INSL6: variants seen among roughly 807,000 people sequenced by gnomAD.
INSL6 encodes insulin-like peptide INSL6.
INSL6 carries 16 observed loss-of-function variants against 9.4 expected under a neutral mutation model. That is an observed-to-expected ratio of 1.70 (90% confidence interval 1.15 to 2.59). The LOEUF (loss-of-function observed/expected upper bound fraction) is 2.59, where lower values mean the gene tolerates loss of function less well. Ranked by LOEUF, INSL6 falls within the 30% of genes most tolerant of loss-of-function variation. The pLI, the probability that INSL6 is intolerant of heterozygous loss-of-function variation, is 0.00. For missense variants in INSL6, 391 were observed against 257.3 expected (o/e 1.52, Z -3.56); for synonymous variants, 154 against 96.9 (o/e 1.59, Z -3.46).
the INSL6 span, chr9:5,110,994 G>T: frequency 3.0e-6 from 2 of 670,472 alleles, no homozygotes; most frequent in Non-Finnish European, 5.3e-6. Flanking sequence ...TGTTCCCGCT[G>T]CCCGTTGCCA....
intron 1 of INSL6, among the ~76,000 whole-genome samples, chr9:5,167,640 G>C (rs1825085078): frequency 6.6e-6 from 1 of 152,210 alleles, no homozygotes; most frequent in African/African-American, 2.4e-5. Flanking sequence ...TCTAGGAGGA[G>C]GGTTGGCCAC....
At chr9:5,183,363 G>A (rs982508683) in intron 1 of INSL6, among the ~76,000 whole-genome samples, 20 of 152,078 alleles carry the variant, frequency 1.3e-4, no homozygotes, top group Non-Finnish European at 2.1e-4. Flanking sequence ...TTCCATAGTA[G>A]CAGGTTTTGT....
At chr9:5,005,610 C>T in the INSL6 span, among the ~76,000 whole-genome samples, 13 of 152,000 alleles carry the variant, frequency 8.6e-5, no homozygotes, top group Non-Finnish European at 1.5e-4. Flanking sequence ...GAGAGAGATT[C>T]CAGTGTAATT....
chr9:5,101,570 G>C, the INSL6 span, among the ~76,000 whole-genome samples: 1 of 152,262 alleles, frequency 6.6e-6, no homozygotes, highest in East Asian at 1.9e-4. Flanking sequence ...TGGACAGACT[G>C]CCTCAGGTGG....
chr9:5,103,132 G>A, the INSL6 span, among the ~76,000 whole-genome samples: 160 of 144,996 alleles, frequency 1.1e-3, no homozygotes, highest in African/African-American at 3.8e-3. Context: ...CCATCACTGT[G>A]CTGTATTCAG....
the INSL6 span, among the ~76,000 whole-genome samples, chr9:5,000,101 T>C: frequency 4.6e-5 from 7 of 152,204 alleles, no homozygotes; most frequent in African/African-American, 1.7e-4. Context: ...CATATTAAAT[T>C]GTAAGAGTTA....
downstream of INSL6, among the ~76,000 whole-genome samples, chr9:5,161,836 T>A (rs12352022): frequency 6.6e-6 from 1 of 151,806 alleles, no homozygotes; most frequent in Non-Finnish European, 1.5e-5. Flanking sequence ...ACCCAGCACT[T>A]TGGGAGGCCA....
chr9:5,132,806 T>C (rs1345451312), intron 3 of INSL6: 2 of 152,216 alleles, frequency 1.3e-5, no homozygotes, highest in African/African-American at 4.8e-5. Flanking sequence ...ATAATCTTAC[T>C]TGAGGGTGAA....
chr9:5,035,857 C>A, the INSL6 span, among the ~76,000 whole-genome samples: 1 of 152,180 alleles, frequency 6.6e-6, no homozygotes, highest in Non-Finnish European at 1.5e-5. Context: ...TCCTATTCAA[C>A]ATAGTGTTGG....
the INSL6 span, among the ~76,000 whole-genome samples, chr9:5,008,804 T>C: frequency 6.6e-6 from 1 of 152,228 alleles, no homozygotes; most frequent in Admixed American, 6.5e-5. Flanking sequence ...CTATTATTTT[T>C]CTTCCCTGTG....
intron 1 of INSL6, among the ~76,000 whole-genome samples, chr9:5,165,025 T>C (rs1210076341): frequency 6.6e-6 from 1 of 152,180 alleles, no homozygotes; most frequent in Non-Finnish European, 1.5e-5. Flanking sequence ...TTCGCCAACA[T>C]GGCGAAACCC....
the INSL6 span, among the ~76,000 whole-genome samples, chr9:5,076,313 A>G: frequency 6.6e-6 from 1 of 152,290 alleles, no homozygotes; most frequent in African/African-American, 2.4e-5. Flanking sequence ...ATTGCATGCT[A>G]CAGAGAAATC....
chr9:5,164,315 G>T, intron 1 of INSL6, 50 bp from the exon 2 acceptor site: 1 of 1,217,072 alleles, frequency 8.2e-7, no homozygotes, highest in Non-Finnish European at 1.2e-6. Context: ...TCTTCCTTTA[G>T]ATGAAAATTT....
chr9:5,181,437 T>C (rs1015629669), intron 1 of INSL6, among the ~76,000 whole-genome samples: 47 of 151,990 alleles, frequency 3.1e-4, no homozygotes, highest in African/African-American at 1.1e-3. Flanking sequence ...TTCAGAAAAC[T>C]AGCTCCCTAT....
At chr9:5,150,291 TAATC>T (rs1824684865) in intron 2 of INSL6, among the ~76,000 whole-genome samples, 1 of 151,934 alleles carries the variant, frequency 6.6e-6, no homozygotes, top group East Asian at 1.9e-4. Flanking sequence ...GCAAAAGAAA[TAATC>T]AACAAACATA....
At chr9:5,130,768 G>A (rs1300914203) in intron 3 of INSL6, among the ~76,000 whole-genome samples, 5 of 146,140 alleles carry the variant, frequency 3.4e-5, no homozygotes, top group South Asian at 2.1e-4. Context: ...TCGCTCTGTC[G>A]CCCAGCCTGG....
chr9:5,151,080 T>G (rs1824703814), intron 2 of INSL6, among the ~76,000 whole-genome samples: 1 of 152,088 alleles, frequency 6.6e-6, no homozygotes, highest in Admixed American at 6.6e-5. Context: ...AATGCAGAAC[T>G]GTGAAAGAGG....
chr9:5,017,308 C>G, the INSL6 span, among the ~76,000 whole-genome samples: 1 of 151,910 alleles, frequency 6.6e-6, no homozygotes, highest in African/African-American at 2.4e-5. Flanking sequence ...GAAGGAAGAC[C>G]CAAAACAATG....
chr9:5,130,980 C>T (rs911287059), intron 3 of INSL6, among the ~76,000 whole-genome samples: 3 of 151,934 alleles, frequency 2.0e-5, no homozygotes, highest in Non-Finnish European at 4.4e-5. Context: ...CCGCCCGCCT[C>T]GGCCTCCCAA....
Sources: allele counts gnomAD v4.1 joint callset (sites outside exome capture counted in the v4.1 genomes callset), GRCh38; gene constraint gnomAD v4.1.1; transcripts MANE v1.5; gene names NCBI Gene and HGNC (gene_info 2026-07-23, HGNC 2026-07-21).